Variants in ANKRD28 observed in about 807,000 individuals in gnomAD.
ANKRD28 encodes the protein serine/threonine-protein phosphatase 6 regulatory ankyrin repeat subunit A.
A neutral mutation model predicts 126.5 loss-of-function variants in ANKRD28; 44 were observed. That is an observed-to-expected ratio of 0.35 (90% CI 0.27 to 0.45). ANKRD28 has a LOEUF of 0.45. Among genes scored for constraint, ANKRD28 ranks in the 20% least tolerant of loss-of-function variants. The probability of loss-of-function intolerance (pLI) is 1.00; values close to 1 mark genes in which losing one functional copy is unlikely to be tolerated. For missense variants in ANKRD28, 1,110 were observed against 1,316.6 expected (o/e 0.84, Z 2.43); for synonymous variants, 442 against 468.5 (o/e 0.94, Z 0.73).
At chr3:15,762,202 AAAAAAAAAAAAC>A (rs1559488951) in intron 3 of ANKRD28, among the ~76,000 whole-genome samples, 2 of 31,850 alleles carry the variant, frequency 6.3e-5, no homozygotes, top group South Asian at 1.3e-3. Context: ...AAAAAAAAAA[AAAAAAAAAAAAC>A]AAAACAAAAA....
chr3:15,837,277 A>G (rs1371989178), intron 1 of ANKRD28, among the ~76,000 whole-genome samples: 1 of 152,168 alleles, frequency 6.6e-6, no homozygotes, highest in Non-Finnish European at 1.5e-5. Flanking sequence ...AGCAATGAAG[A>G]TCTGAACAAC....
At chr3:15,774,986 C>G (rs992534788) in intron 2 of ANKRD28, among the ~76,000 whole-genome samples, 12 of 152,272 alleles carry the variant, frequency 7.9e-5, no homozygotes, top group African/African-American at 2.4e-4. Context: ...AAGCGATTCT[C>G]CTGCCTCAGC....
At chr3:15,822,071 T>C (rs1479893494) in intron 1 of ANKRD28, among the ~76,000 whole-genome samples, 2 of 152,174 alleles carry the variant, frequency 1.3e-5, no homozygotes, top group East Asian at 1.9e-4. Context: ...AGCTCCCATA[T>C]ATAATAGAAA....
intron 2 of ANKRD28, among the ~76,000 whole-genome samples, chr3:15,793,220 C>A (rs2060113463): frequency 6.6e-6 from 1 of 152,012 alleles, no homozygotes. Context: ...CTTTTAAAAC[C>A]CCATATGATT....
At chr3:15,831,314 A>G (rs949461467) in intron 1 of ANKRD28, among the ~76,000 whole-genome samples, 1 of 152,236 alleles carries the variant, frequency 6.6e-6, no homozygotes, top group Non-Finnish European at 1.5e-5. Context: ...CCCAAGACCA[A>G]AAACTATTGT....
chr3:15,690,323 C>T (rs2068627143), intron 17 of ANKRD28, 103 bp from the exon 18 acceptor site: 7 of 971,768 alleles, frequency 7.2e-6, no homozygotes, highest in Non-Finnish European at 1.0e-5. Context: ...ATATTATTAT[C>T]CTACTTGAGA....
intron 6 of ANKRD28, chr3:15,733,549 T>C (rs1161045903): frequency 1.3e-5 from 2 of 152,256 alleles, no homozygotes; most frequent in Non-Finnish European, 2.9e-5. Flanking sequence ...TAATCATGCT[T>C]TATGTGACTA....
intron 21 of ANKRD28, among the ~76,000 whole-genome samples, chr3:15,680,633 C>T (rs772194509): frequency 2.6e-5 from 4 of 152,176 alleles, no homozygotes; most frequent in South Asian, 2.1e-4. Flanking sequence ...TTATCAACAA[C>T]GCTGTAATGA....
At position 15,846,601 on chromosome 3, in the gene ANKRD28, G is replaced by A. The variant is rs1374802; in HGVS notation, c.27+12776C>T. ...AAATTCTGACCATTTTATAACAATC[G>A]AAAGAGCTCCACTGATTAAAGTAAT... is the stretch of plus-strand genomic sequence containing the variant. On this transcript the variant is annotated intron_variant, in intron 1 of 27. Coordinates refer to the ANKRD28 transcript ENST00000399451. The surrounding 1 kb of genome is among the most constrained non-coding windows in gnomAD (Gnocchi z 5.4). 0.14 allele frequency among the ~76,000 whole-genome samples: 20,894 copies of A among 152,228 alleles called. 2,166 individuals carry two copies. Among genetic ancestry groups the A allele is most frequent in the East Asian group, 0.58 (3,014 of 5,184 alleles).
intron 2 of ANKRD28, among the ~76,000 whole-genome samples, chr3:15,769,981 T>G (rs1302092691): frequency 6.7e-6 from 1 of 150,346 alleles, no homozygotes; most frequent in African/African-American, 2.5e-5. Context: ...CAAGGAAGAG[T>G]ACACTGAACA....
chr3:15,669,675 T>TA lies in ANKRD28; in HGVS notation c.*594dup, dbSNP rs565754927. ...ATTGGAAGGCTTTCAGATGTTTTCT[T>TA]AAAAAAAAAACAAAACCCAAAAAAA... On this transcript the variant is annotated 3_prime_UTR_variant, in exon 28 of 28. Coordinates refer to ENST00000683139, the MANE Select transcript of ANKRD28 (RefSeq NM_001349278.2). 119 of 147,342 alleles carry TA rather than the reference T, an allele frequency of 8.1e-4. No homozygotes were observed. The highest frequency in any genetic ancestry group is 1.9e-3 in the South Asian group (9 of 4,638). 9.1% of individuals were successfully genotyped at this position (147,342 alleles called of 1,614,324 possible). A position where few individuals can be genotyped will look rare whatever the true frequency, so the allele number is the denominator to read the frequency against.
intron 8 of ANKRD28, among the ~76,000 whole-genome samples, chr3:15,715,412 G>A (rs917669202): frequency 4.6e-5 from 7 of 152,108 alleles, no homozygotes; most frequent in Non-Finnish European, 8.8e-5. Context: ...ACTGTACAAC[G>A]CAGATATTCT....
At chr3:15,749,702 T>C (rs945554289) in intron 4 of ANKRD28, among the ~76,000 whole-genome samples, 3 of 152,246 alleles carry the variant, frequency 2.0e-5, no homozygotes, top group African/African-American at 7.2e-5. Flanking sequence ...CTTGATGTGG[T>C]GTTCTCCCAC....
At chr3:15,779,669 C>G (rs1033796256) in intron 2 of ANKRD28, among the ~76,000 whole-genome samples, 3 of 152,246 alleles carry the variant, frequency 2.0e-5, no homozygotes, top group African/African-American at 4.8e-5. Flanking sequence ...TTTAAGATCC[C>G]TTTCCAGTGC....
At chr3:15,795,372 A>C in intron 1 of ANKRD28, 66 bp from the exon 2 acceptor site, 1 of 1,132,822 alleles carries the variant, frequency 8.8e-7, no homozygotes. Flanking sequence ...GATATTTTAC[A>C]TAGTTCTGGA....
chr3:15,677,440 A>G (rs1204033067), intron 25 of ANKRD28, 40 bp downstream of exon 25: 2 of 1,470,050 alleles, frequency 1.4e-6, no homozygotes, highest in Non-Finnish European at 1.9e-6. Context: ...GTCACTGTTA[A>G]TATTAACAAT....
chr3:15,830,670 T>C lies in ANKRD28; in HGVS notation c.27+28707A>G, dbSNP rs754307530. Among the ~76,000 whole-genome samples, 1 of 152,170 alleles carries C rather than the reference T, an allele frequency of 6.6e-6. No individual in the cohort carries two copies. Among genetic ancestry groups the C allele is most frequent in the Non-Finnish European group, 1.5e-5 (1 of 67,978 alleles). On this transcript the variant is annotated intron_variant, in intron 1 of 27. Transcript: ENST00000399451. The surrounding 1 kb of genome is among the most constrained non-coding windows in gnomAD (Gnocchi z 4.5). ...GGACTGCTGCAGTAATGGATTAATT[T>C]TGGCCAAAGAAAGGTTTGGCCCTTG...
At chr3:15,711,053 A>G (rs1293603965) in intron 12 of ANKRD28, among the ~76,000 whole-genome samples, 158 bp downstream of exon 12, 3 of 152,146 alleles carry the variant, frequency 2.0e-5, no homozygotes, top group Non-Finnish European at 4.4e-5. Context: ...AAGATGAAAA[A>G]AAGTATTCTG....
chr3:15,851,257 G>A (rs1039357369), intron 1 of ANKRD28, among the ~76,000 whole-genome samples: 13 of 152,002 alleles, frequency 8.6e-5, no homozygotes, highest in Non-Finnish European at 5.9e-5. Context: ...TCATGACTGG[G>A]TGCAGTGGCT....
Sources: gnomAD v4.1 joint callset for allele counts (sites outside exome capture counted in the v4.1 genomes callset) on GRCh38, gnomAD v4.1.1 for gene constraint, Gnocchi (gnomAD v3.1) non-coding constraint, MANE v1.5 for transcripts, NCBI Gene and HGNC (gene_info 2026-07-23, HGNC 2026-07-21) for gene names.